Variants in THSD7A observed in about 807,000 individuals in gnomAD.
THSD7A encodes the protein thrombospondin type 1 domain containing 7A.
Under a neutral mutation model 231.3 loss-of-function variants are expected in THSD7A, and 96 were observed. The ratio of observed to expected loss-of-function variants is 0.41; its 90% CI spans 0.35 to 0.49. THSD7A has a LOEUF of 0.49. Among genes scored for constraint, THSD7A ranks in the 20% least tolerant of loss-of-function variants. THSD7A has a pLI of 0.05. For synonymous variants in THSD7A, 940 were observed against 743.3 expected, an observed-to-expected ratio of 1.26 and a Z score of -4.30; for missense variants, 2,290 against 2,070.2, an observed-to-expected ratio of 1.11 and a Z score of -2.06.
At chr7:11,400,768 A>C (rs1432713799) in intron 23 of THSD7A, among the ~76,000 whole-genome samples, 1 of 152,124 alleles carries the variant, frequency 6.6e-6, no homozygotes, top group Non-Finnish European at 1.5e-5. Context: ...CAACACTTTA[A>C]GCTTTTGTCT....
At chr7:11,518,355 AT>A (rs1379080363) in intron 6 of THSD7A, among the ~76,000 whole-genome samples, 1 of 152,106 alleles carries the variant, frequency 6.6e-6, no homozygotes. Flanking sequence ...AGACTGTTCA[AT>A]TTGGCTTTAA....
chr7:11,546,223 C>CACACACACACAA (rs371554481), intron 4 of THSD7A, among the ~76,000 whole-genome samples: 2,624 of 148,806 alleles, frequency 0.018, 33 homozygotes, highest in Non-Finnish European at 0.023. Context: ...CACACACACA[C>CACACACACACAA]ACACACACGT....
intron 1 of THSD7A, among the ~76,000 whole-genome samples, chr7:11,644,150 T>C (rs1051935441): frequency 6.6e-6 from 1 of 152,026 alleles, no homozygotes; most frequent in South Asian, 2.1e-4. Context: ...TATCCTTCCC[T>C]GTTTTTCAGC....
At chr7:11,710,034 A>G (rs936389680) in intron 1 of THSD7A, among the ~76,000 whole-genome samples, 1 of 150,850 alleles carries the variant, frequency 6.6e-6, no homozygotes, top group African/African-American at 2.4e-5. Context: ...GTGAATTTTT[A>G]ATACTGATTT....
At chr7:11,700,984 C>G (rs1192729932) in intron 1 of THSD7A, among the ~76,000 whole-genome samples, 1 of 151,098 alleles carries the variant, frequency 6.6e-6, no homozygotes, top group Non-Finnish European at 1.5e-5. Flanking sequence ...TACAAGAAAA[C>G]AAAAACTATC....
intron 1 of THSD7A, among the ~76,000 whole-genome samples, chr7:11,700,488 T>G (rs1026464504): frequency 1.3e-5 from 2 of 151,202 alleles, no homozygotes; most frequent in Admixed American, 6.6e-5. Flanking sequence ...GAACAATTAA[T>G]AAATATATTG....
intron 4 of THSD7A, among the ~76,000 whole-genome samples, chr7:11,544,718 C>T (rs1428907596): frequency 6.6e-6 from 1 of 152,078 alleles, no homozygotes; most frequent in Non-Finnish European, 1.5e-5. Context: ...CTCTTACTAC[C>T]ACAGTTTTTG....
At position 11,420,853 on chromosome 7, in the gene THSD7A, GAC is replaced by G. The variant is rs146736605; in HGVS notation, c.3384-3252_3384-3251del. Among the ~76,000 whole-genome samples the G allele has an allele frequency of 7.5e-3, 1,148 of 152,298 alleles. 11 individuals are homozygous for G. Among genetic ancestry groups the G allele is most frequent in the Middle Eastern group, 0.054 (16 of 294 alleles). On this transcript the variant is annotated intron_variant, in intron 16 of 27. Transcript: ENST00000423059. ...CTGTGTCATTGTGTCCTGGATGTGA[GAC>G]ACAGAGTCAAAGGAGATTATTTTGA...
intron 1 of THSD7A, among the ~76,000 whole-genome samples, chr7:11,781,765 T>C (rs1007962599): frequency 2.6e-5 from 4 of 152,212 alleles, no homozygotes; most frequent in Non-Finnish European, 5.9e-5. Context: ...TTCTCCTATT[T>C]TGAAAAATAG....
intron 1 of THSD7A, among the ~76,000 whole-genome samples, chr7:11,736,227 A>G (rs545333467): frequency 6.6e-6 from 1 of 152,078 alleles, no homozygotes; most frequent in African/African-American, 2.4e-5. Flanking sequence ...TTCGAAAAAT[A>G]ATAATTAGCT....
Position 11,575,119 on chromosome 7 carries a change from T to C in THSD7A, c.1453+15341A>G, listed in dbSNP as rs1056147977. On this transcript the variant is annotated intron_variant, in intron 4 of 27. Transcript: ENST00000423059. ...GTAAATAAATGTAAAACACTTAGAA[T>C]AGTGTCTCACATATAGTAATCATCT... Among the ~76,000 whole-genome samples the C allele has an allele frequency of 3.9e-5, 6 of 152,358 alleles. 2 individuals are homozygous for C. Among genetic ancestry groups the C allele is most frequent in the Admixed American group, 6.5e-5 (1 of 15,312 alleles).
chr7:11,649,721 G>T (rs903015046), intron 1 of THSD7A, among the ~76,000 whole-genome samples: 2 of 152,056 alleles, frequency 1.3e-5, no homozygotes, highest in African/African-American at 4.8e-5. Context: ...GCAGGAAGTT[G>T]AGCAATACTG....
chr7:11,512,959 A>ATATATATATATATATATATATATGTG (rs1449312863), intron 6 of THSD7A, among the ~76,000 whole-genome samples: 4 of 142,588 alleles, frequency 2.8e-5, no homozygotes, highest in Non-Finnish European at 6.1e-5. Context: ...ATATATATAT[A>ATATATATATATATATATATATATGTG]TGTAAAATAC....
intron 11 of THSD7A, among the ~76,000 whole-genome samples, chr7:11,458,072 G>C (rs6954535): frequency 0.32 from 48,562 of 151,886 alleles, 8,537 homozygotes; most frequent in Middle Eastern, 0.46. Context: ...AGTGGAATGA[G>C]TAATTGAAAT....
In THSD7A at chr7:11,544,113, G is replaced by T. The variant is rs574559408; in HGVS notation, c.1454-996C>A. Among the ~76,000 whole-genome samples, 5 of 152,232 alleles carry T rather than the reference G, an allele frequency of 3.3e-5. No homozygotes were observed. In the South Asian group the frequency reaches 1.0e-3, roughly 32 times the overall value. On this transcript the variant is annotated intron_variant, in intron 4 of 27. Coordinates refer to ENST00000423059, the MANE Select transcript of THSD7A (RefSeq NM_015204.3). ...AATCCCAGCATTTTGGGAGGACGAGGTGGGCAGATCACGAGGTCAAGAGCT... is the reference window on the plus strand; with the variant it reads ...AATCCCAGCATTTTGGGAGGACGAGTTGGGCAGATCACGAGGTCAAGAGCT...
At chr7:11,617,612 T>C (rs536797010) in intron 2 of THSD7A, among the ~76,000 whole-genome samples, 46 of 152,354 alleles carry the variant, frequency 3.0e-4, no homozygotes, top group African/African-American at 9.6e-4. Context: ...CTTCACACTC[T>C]AGCATTCTAC....
chr7:11,691,347 T>C (rs1393362991), intron 1 of THSD7A, among the ~76,000 whole-genome samples: 4 of 151,172 alleles, frequency 2.6e-5, no homozygotes, highest in Non-Finnish European at 5.9e-5. Flanking sequence ...TATCAAAGAG[T>C]AGTATATGAT....
intron 15 of THSD7A, among the ~76,000 whole-genome samples, chr7:11,425,854 TAAATAGCCC>T (rs987382152): frequency 3.9e-5 from 6 of 151,958 alleles, no homozygotes; most frequent in African/African-American, 1.5e-4. Context: ...AAGATAGATT[TAAATAGCCC>T]TTTGCAGCCA....
rs76570742 is a variant in THSD7A at position 11,727,210 on chromosome 7, G to T, written c.191-90249C>A. Among the ~76,000 whole-genome samples, 517 of 152,078 alleles carry T rather than the reference G, an allele frequency of 3.4e-3. 3 individuals carry two copies. Among genetic ancestry groups the T allele is most frequent in the African/African-American group, 0.012 (487 of 41,528 alleles). On this transcript the variant is annotated intron_variant, in intron 1 of 27. Transcript: ENST00000423059. The stretch of plus-strand genomic sequence containing the variant: ...ATATTTGCAAATGTTGGGCCTTTGA[G>T]ATTCTTGCCAGTATCACCAGGTATT...
Sources: allele counts gnomAD v4.1 joint callset (sites outside exome capture counted in the v4.1 genomes callset), GRCh38; gene constraint gnomAD v4.1.1; transcripts MANE v1.5; gene names NCBI Gene and HGNC (gene_info 2026-07-23, HGNC 2026-07-21).